Variants in SPHKAP observed in about 807,000 individuals in gnomAD.
The protein encoded by SPHKAP is SPHK1 interactor, AKAP domain containing.
SPHKAP carries 67 observed loss-of-function variants against 137.5 expected under a neutral mutation model. The ratio of observed to expected loss-of-function variants is 0.49; its 90% CI spans 0.40 to 0.60. The LOEUF is 0.60. Ranked by LOEUF, SPHKAP falls within the 20% of genes least tolerant of loss-of-function variation. The pLI is 0.00. For synonymous variants in SPHKAP, 813 were observed against 785.3 expected (o/e 1.04, Z -0.59); for missense variants, 2,097 against 2,069.3 (o/e 1.01, Z -0.26).
rs1695975922 is a variant in SPHKAP at position 228,044,829 on chromosome 2, A to T, written c.247-17286T>A. Among the ~76,000 whole-genome samples the T allele has an allele frequency of 2.0e-5, 3 of 152,340 alleles. No homozygotes were observed. The South Asian group carries it at 6.2e-4, about 32-fold the overall frequency. The stretch of plus-strand genomic sequence containing the variant: ...ACAGGCAATCTACAGAATGGGAGAA[A>T]ATTTTGGCAACCTACTTATCTGACA... On this transcript the variant is annotated intron_variant, in intron 3 of 11. Coordinates refer to ENST00000392056, the MANE Select transcript of SPHKAP (RefSeq NM_001142644.2).
chr2:228,117,713 G>T (rs960793901), intron 2 of SPHKAP, among the ~76,000 whole-genome samples: 10 of 151,988 alleles, frequency 6.6e-5, no homozygotes, highest in African/African-American at 2.4e-4. Context: ...GTAACCAGCA[G>T]CCGAATCAAG....
At chr2:228,065,023 AC>A (rs1240648750) in intron 3 of SPHKAP, among the ~76,000 whole-genome samples, 3 of 152,226 alleles carry the variant, frequency 2.0e-5, no homozygotes, top group Non-Finnish European at 4.4e-5. Flanking sequence ...TGCTGTAAAT[AC>A]AGTGATTTCT....
intron 7 of SPHKAP, among the ~76,000 whole-genome samples, chr2:228,002,528 T>G (rs1242828739): frequency 6.6e-6 from 1 of 152,234 alleles, no homozygotes; most frequent in African/African-American, 2.4e-5. Context: ...GCCTGTTCAC[T>G]CTGATGGTAG....
At chr2:228,003,851 T>C (rs1402885332) in intron 7 of SPHKAP, among the ~76,000 whole-genome samples, 2 of 152,252 alleles carry the variant, frequency 1.3e-5, no homozygotes, top group Admixed American at 6.5e-5. Context: ...TCTGTTTACA[T>C]ACCTGATTAC....
At chr2:228,112,336 C>T (rs1698545680) in intron 2 of SPHKAP, among the ~76,000 whole-genome samples, 1 of 152,122 alleles carries the variant, frequency 6.6e-6, no homozygotes, top group African/African-American at 2.4e-5. Flanking sequence ...AACAAACATT[C>T]TGACTAAGAA....
At chr2:228,138,857 C>G (rs549593948) in intron 1 of SPHKAP, among the ~76,000 whole-genome samples, 2 of 152,116 alleles carry the variant, frequency 1.3e-5, no homozygotes, top group African/African-American at 4.8e-5. Context: ...AATGGTGTAG[C>G]AAGAAACTGT....
intron 2 of SPHKAP, among the ~76,000 whole-genome samples, chr2:228,130,839 G>T (rs949281546): frequency 1.3e-5 from 2 of 152,062 alleles, no homozygotes; most frequent in Non-Finnish European, 1.5e-5. Context: ...CAATTCCTTT[G>T]TAGGAATTTA....
intron 5 of SPHKAP, among the ~76,000 whole-genome samples, chr2:228,023,697 G>A (rs1474789071): frequency 6.6e-6 from 1 of 152,214 alleles, no homozygotes; most frequent in Non-Finnish European, 1.5e-5. Context: ...GCAAGGAGGT[G>A]CAAAAATGAA....
At position 228,062,015 on chromosome 2, in the gene SPHKAP, G is replaced by T. The variant is rs535539630; in HGVS notation, c.247-34472C>A. The stretch of plus-strand genomic sequence containing the variant: ...ATATGTTTAGTGTGGAATAGGTTAT[G>T]CTTTAAGCAAAATCAAGGTAATATG... On this transcript the variant is annotated intron_variant, in intron 3 of 11. Coordinates refer to ENST00000392056, the MANE Select transcript of SPHKAP (RefSeq NM_001142644.2). Among the ~76,000 whole-genome samples, 3 of 152,058 alleles carry T rather than the reference G, an allele frequency of 2.0e-5. No individual in the cohort carries two copies. The East Asian group carries it at 5.8e-4, about 29-fold the overall frequency.
Position 228,176,597 on chromosome 2 carries a change from T to G in SPHKAP, c.32+4970A>C, listed in dbSNP as rs984162448. On this transcript the variant is annotated intron_variant, in intron 1 of 11. Transcript: ENST00000392056. ...GGTCTCCAAATATCAAATACAGGGC[T>G]GGGCACGTGGCTCACGCCTGTAATC... Among the ~76,000 whole-genome samples the G allele has an allele frequency of 1.3e-5, 2 of 152,204 alleles. 1 individual carries two copies. Among genetic ancestry groups the G allele is most frequent in the Middle Eastern group, 6.3e-3 (2 of 316 alleles).
At chr2:228,178,883 A>G (rs1700817078) in intron 1 of SPHKAP, among the ~76,000 whole-genome samples, 3 of 152,070 alleles carry the variant, frequency 2.0e-5, no homozygotes, top group African/African-American at 4.8e-5. Context: ...TAGAGTTTTC[A>G]CAGAAGGAAG....
At chr2:228,117,797 C>T (rs1325727813) in intron 2 of SPHKAP, among the ~76,000 whole-genome samples, 3 of 151,500 alleles carry the variant, frequency 2.0e-5, no homozygotes, top group Non-Finnish European at 4.4e-5. Context: ...AGTCCCAGCC[C>T]CTGGCAACAA....
intron 3 of SPHKAP, among the ~76,000 whole-genome samples, chr2:228,033,083 C>T (rs951068461): frequency 6.6e-6 from 1 of 152,046 alleles, no homozygotes; most frequent in Non-Finnish European, 1.5e-5. Context: ...CACAGACTGG[C>T]AAATTGGATA....
At position 227,981,108 on chromosome 2, in the gene SPHKAP, A is replaced by G. The variant is rs1692977979; in HGVS notation, c.*609T>C. On this transcript the variant is annotated 3_prime_UTR_variant, in exon 12 of 12. Transcript: ENST00000392056. Reference sequence around the variant, plus strand: ...CCACATACTATTTGGGAGAAGTGAGATATTTATCAGTGGGCTGCAGGGAAT... The same window carrying G: ...CCACATACTATTTGGGAGAAGTGAGGTATTTATCAGTGGGCTGCAGGGAAT... 6.6e-6 allele frequency: 1 copy of G among 152,172 alleles called. No individual in the cohort carries two copies. The highest frequency in any genetic ancestry group is 1.5e-5 in the Non-Finnish European group (1 of 68,034). The allele number at this position is 152,172 out of a possible 1,614,324, so 9.4% of individuals were successfully genotyped here. A position where few individuals can be genotyped will look rare whatever the true frequency, so the allele number is the denominator to read the frequency against.
chr2:228,055,160 G>A (rs1696395099), intron 3 of SPHKAP, among the ~76,000 whole-genome samples: 5 of 91,766 alleles, frequency 5.4e-5, no homozygotes, highest in Admixed American at 1.1e-4. Context: ...AAAAAAAAAA[G>A]TGGTTTGAAA....
rs754546369 is a variant in SPHKAP, at chr2:228,033,277, AAAG to A, written c.247-5737_247-5735del. On this transcript the variant is annotated intron_variant, in intron 3 of 11. Transcript: ENST00000392056. ...TAAACTAACAAAGATCAAAAGAGAC[AAAG>A]AAGGCCATTACATAATGGTAAAGGG... 4.6e-5 allele frequency among the ~76,000 whole-genome samples: 7 copies of A among 152,218 alleles called. No homozygotes were observed. In the East Asian group the frequency reaches 9.6e-4, roughly 21 times the overall value.
intron 1 of SPHKAP, among the ~76,000 whole-genome samples, chr2:228,162,195 C>G (rs1700294983): frequency 6.6e-6 from 1 of 152,192 alleles, no homozygotes; most frequent in Admixed American, 6.5e-5. Flanking sequence ...CTTCTGTGTA[C>G]TTTCCTTCCA....
chr2:228,063,528 T>C (rs896148862), intron 3 of SPHKAP, among the ~76,000 whole-genome samples: 1 of 152,208 alleles, frequency 6.6e-6, no homozygotes, highest in Non-Finnish European at 1.5e-5. Flanking sequence ...TAGCACATTA[T>C]GAACTAGTTT....
intron 1 of SPHKAP, among the ~76,000 whole-genome samples, chr2:228,166,931 A>G (rs746406420): frequency 6.6e-6 from 1 of 152,118 alleles, no homozygotes; most frequent in African/African-American, 2.4e-5. Flanking sequence ...AGCTAGCACA[A>G]CACATGGTGA....
Sources: allele counts gnomAD v4.1 joint callset (sites outside exome capture counted in the v4.1 genomes callset), GRCh38; gene constraint gnomAD v4.1.1; transcripts MANE v1.5; gene names NCBI Gene and HGNC (gene_info 2026-07-23, HGNC 2026-07-21).